The following SVBP variants were observed in gnomAD, a reference collection of about 807,000 sequenced individuals.
SVBP encodes small vasohibin binding protein.
A neutral mutation model predicts 9.2 loss-of-function variants in SVBP; 9 were observed. That is an observed-to-expected ratio of 0.98 (90% CI 0.59 to 1.71). The LOEUF is 1.71. Ranked by LOEUF, SVBP falls within the 40% of genes most tolerant of loss-of-function variation. The pLI is 0.00. For synonymous variants in SVBP, 27 were observed against 23.9 expected (o/e 1.13, Z -0.37); for missense variants, 63 against 73.2 (o/e 0.86, Z 0.51).
chr1:42,814,092 T>TTA (rs1445345969), intron 2 of SVBP, among the ~76,000 whole-genome samples: 2 of 150,216 alleles, frequency 1.3e-5, no homozygotes, highest in Non-Finnish European at 3.0e-5. Context: ...TTCTTTTTCT[T>TTA]TTTTTTTTGT....
At chr1:42,812,633 T>A (rs750716223) in intron 2 of SVBP, among the ~76,000 whole-genome samples, 1 of 152,182 alleles carries the variant, frequency 6.6e-6, no homozygotes. Context: ...ATTGTTCTAA[T>A]TTATTTGATT....
Position 42,816,846 on chromosome 1 carries a change from A to G in SVBP, c.-36-266T>C. 9.8e-6 allele frequency: 3 copies of G among 306,040 alleles called. No homozygotes were observed. The South Asian group carries it at 1.1e-4, about 11-fold the overall frequency. 19.0% of individuals were successfully genotyped at this position (306,040 alleles called of 1,614,324 possible). Reference sequence around the variant, plus strand: ...TTAAGTGTTTTCCTGGCCTCCCTCCAGGAGCTGCTGTGTGCGGGTGAAATG... The same window carrying G: ...TTAAGTGTTTTCCTGGCCTCCCTCCGGGAGCTGCTGTGTGCGGGTGAAATG... On this transcript the variant is annotated intron_variant, in intron 1 of 2. Coordinates refer to ENST00000372521, the MANE Select transcript of SVBP (RefSeq NM_199342.4).
At chr1:42,810,293 G>A (rs915829199) in intron 2 of SVBP, among the ~76,000 whole-genome samples, 5 of 151,914 alleles carry the variant, frequency 3.3e-5, no homozygotes, top group East Asian at 1.9e-4. Flanking sequence ...GACTACAGGC[G>A]TGCACCACCG....
Position 42,813,471 on chromosome 1 carries a change from C to T in SVBP, c.114+2960G>A, listed in dbSNP as rs3738511. On this transcript the variant is annotated intron_variant, in intron 2 of 2. Coordinates refer to ENST00000372521, the MANE Select transcript of SVBP (RefSeq NM_199342.4). ...CTGGATTCAAAGGAACTTCTGGGCT[C>T]TTACTGTTAGTGACATCTAATCTGG... 2.4e-3 allele frequency: 1,330 copies of T among 559,016 alleles called. 13 individuals are homozygous for T. In the East Asian group the frequency reaches 0.029, roughly 12 times the overall value. The allele number at this position is 559,016 out of a possible 1,614,324, so 34.6% of individuals were successfully genotyped here.
intron 2 of SVBP, among the ~76,000 whole-genome samples, chr1:42,815,738 A>G (rs1012636807): frequency 6.6e-6 from 1 of 152,206 alleles, no homozygotes. Flanking sequence ...ATTAATGTAA[A>G]AATTTAAAAT....
Position 42,807,367 on chromosome 1 carries a change from C to A in SVBP, c.*47G>T. ...GGCCATCTCAGCTTAAAACTGGCAA[C>A]ACCCTCTCAAAGCTCTCAGGATCCC... On this transcript the variant is annotated 3_prime_UTR_variant, in exon 3 of 3. Coordinates refer to ENST00000372521, the MANE Select transcript of SVBP (RefSeq NM_199342.4). 1 of 1,424,306 alleles carries A rather than the reference C, an allele frequency of 7.0e-7. No homozygotes were observed. 88.2% of individuals were successfully genotyped at this position (1,424,306 alleles called of 1,614,324 possible). A position where few individuals can be genotyped will look rare whatever the true frequency, so the allele number is the denominator to read the frequency against.
intron 2 of SVBP, 143 bp downstream of exon 2, chr1:42,816,288 G>C: frequency 1.6e-6 from 1 of 628,654 alleles, no homozygotes; most frequent in East Asian, 2.7e-5. Context: ...GAACCTCAGT[G>C]TTGTCCCCTC....
In SVBP at chr1:42,807,478, A is replaced by AT. The variant is rs1653985569; in HGVS notation, c.136dup (p.Met46AsnfsTer10). On this transcript the variant is annotated frameshift_variant, in exon 3 of 3. Coordinates refer to ENST00000372521, the MANE Select transcript of SVBP (RefSeq NM_199342.4). LOFTEE classifies it high-confidence loss of function. Reference sequence around the variant, plus strand: ...AAACTGCTGCTGCTCCAGTTCTGTCATGACTCTGTTGAGGGCATAGATCTG... The same window carrying AT: ...AAACTGCTGCTGCTCCAGTTCTGTCATTGACTCTGTTGAGGGCATAGATCTG... The AT allele has an allele frequency of 6.2e-7, 1 of 1,613,796 alleles. No individual in the cohort carries two copies. Among genetic ancestry groups the AT allele is most frequent in the African/African-American group, 1.3e-5 (1 of 74,928 alleles).
At chr1:42,809,256 G>T (rs1244345713) in intron 2 of SVBP, 1 of 152,210 alleles carries the variant, frequency 6.6e-6, no homozygotes, top group Non-Finnish European at 1.5e-5. Flanking sequence ...CAGAGTGTGT[G>T]TGTGTGTAGA....
At chr1:42,812,544 A>C (rs1209208909) in intron 2 of SVBP, among the ~76,000 whole-genome samples, 1 of 152,246 alleles carries the variant, frequency 6.6e-6, no homozygotes, top group Admixed American at 6.5e-5. Context: ...CTTCAGAAAC[A>C]GCCTTGAATC....
chr1:42,810,439 C>A (rs1654060974), intron 2 of SVBP, among the ~76,000 whole-genome samples: 1 of 152,100 alleles, frequency 6.6e-6, no homozygotes. Flanking sequence ...AGCCACTGTG[C>A]CCGGGCCCAC....
intron 2 of SVBP, among the ~76,000 whole-genome samples, chr1:42,808,235 TTATAA>T (rs1184519117): frequency 7.0e-6 from 1 of 143,066 alleles, no homozygotes; most frequent in Non-Finnish European, 1.5e-5. Flanking sequence ...TGCATATATG[TTATAA>T]TATATAAGCT....
At chr1:42,813,857 C>A in intron 2 of SVBP, 1 of 315,626 alleles carries the variant, frequency 3.2e-6, no homozygotes, top group East Asian at 7.8e-5. Flanking sequence ...GGACCCGGAT[C>A]CAGGTGGGAA....
chr1:42,811,134 G>T (rs998961378), intron 2 of SVBP, among the ~76,000 whole-genome samples: 1 of 150,116 alleles, frequency 6.7e-6, no homozygotes, highest in Non-Finnish European at 1.5e-5. Context: ...GCGAGACTCC[G>T]TCTCAAAACA....
rs555675589 is a variant in SVBP at position 42,816,910 on chromosome 1, G to A, written c.-37+280C>T. 17 of 184,432 alleles carry A rather than the reference G, an allele frequency of 9.2e-5. No individual in the cohort carries two copies. In the South Asian group the frequency reaches 1.0e-3, roughly 11 times the overall value. 11.4% of individuals were successfully genotyped at this position (184,432 alleles called of 1,614,324 possible). A position where few individuals can be genotyped will look rare whatever the true frequency, so the allele number is the denominator to read the frequency against. Reference sequence around the variant, plus strand: ...GAAAGCGTTGCCCACTGTGCGGCGTGCGGCACCCAGCGCGGAACCGTCCTA... The same window carrying A: ...GAAAGCGTTGCCCACTGTGCGGCGTACGGCACCCAGCGCGGAACCGTCCTA... On this transcript the variant is annotated intron_variant, in intron 1 of 2. Transcript: ENST00000372521.
intron 2 of SVBP, chr1:42,813,648 G>A (rs936915120): frequency 3.8e-6 from 2 of 528,920 alleles, no homozygotes; most frequent in Admixed American, 2.0e-5. Flanking sequence ...CTGGCAACTG[G>A]TTCTCCATTT....
At position 42,807,287 on chromosome 1, in the gene SVBP, G is replaced by A; in HGVS notation, c.*127C>T. On this transcript the variant is annotated 3_prime_UTR_variant, in exon 3 of 3. Coordinates refer to ENST00000372521, the MANE Select transcript of SVBP (RefSeq NM_199342.4). ...AAGTTAGAAGTTACACACAGGAAGT[G>A]AGTTCAGATTTATCCACAAATGTCT... The A allele has an allele frequency of 1.7e-6, 1 of 590,186 alleles. No homozygotes were observed. The highest frequency in any genetic ancestry group is 3.0e-6 in the Non-Finnish European group (1 of 328,216). 36.6% of individuals were successfully genotyped at this position (590,186 alleles called of 1,614,324 possible). A position where few individuals can be genotyped will look rare whatever the true frequency, so the allele number is the denominator to read the frequency against.
chr1:42,816,299 TA>T, intron 2 of SVBP, 131 bp downstream of exon 2: 1 of 680,420 alleles, frequency 1.5e-6, no homozygotes, highest in Non-Finnish European at 2.5e-6. Flanking sequence ...TTGTCCCCTC[TA>T]AACCTGGGAG....
At chr1:42,810,876 A>T (rs1376077458) in intron 2 of SVBP, among the ~76,000 whole-genome samples, 1 of 152,220 alleles carries the variant, frequency 6.6e-6, no homozygotes, top group African/African-American at 2.4e-5. Flanking sequence ...GCGGCGGCTC[A>T]CATATGTAAT....
Sources: allele counts gnomAD v4.1 joint callset (sites outside exome capture counted in the v4.1 genomes callset), GRCh38; gene constraint gnomAD v4.1.1; transcripts MANE v1.5; gene names NCBI Gene and HGNC (gene_info 2026-07-23, HGNC 2026-07-21).